Variants in C3orf70 observed in about 807,000 individuals in gnomAD.
The protein encoded by C3orf70 is UPF0524 protein C3orf70.
In C3orf70, 15 loss-of-function variants were observed where a neutral mutation model predicts 20.7. The observed-to-expected ratio is 0.72, with a 90% CI of 0.48 to 1.11. C3orf70 has a LOEUF of 1.11. Among genes scored for constraint, C3orf70 ranks in the 50% most tolerant of loss-of-function variants. C3orf70 has a pLI of 0.00. For missense variants in C3orf70, 332 were observed against 317.6 expected (o/e 1.05, Z -0.34); for synonymous variants, 161 against 125.7 (o/e 1.28, Z -1.88).
chr3:185,115,178 T>G (rs143212807), intron 1 of C3orf70, among the ~76,000 whole-genome samples: 2 of 152,282 alleles, frequency 1.3e-5, no homozygotes, highest in African/African-American at 4.8e-5. Context: ...CTCAAGTGAC[T>G]CCAATGTACA....
chr3:185,128,525 G>A (rs1315568312), intron 1 of C3orf70, among the ~76,000 whole-genome samples: 9 of 143,200 alleles, frequency 6.3e-5, no homozygotes, highest in South Asian at 4.7e-4. Context: ...AGACTGTTTC[G>A]GAAAAAAAAA....
intron 1 of C3orf70, among the ~76,000 whole-genome samples, chr3:185,101,335 G>T (rs571356591): frequency 6.6e-6 from 1 of 152,114 alleles, no homozygotes; most frequent in African/African-American, 2.4e-5. Context: ...TATCCACCAC[G>T]ATCAAGTAGG....
chr3:185,124,264 C>T (rs1373366165), intron 1 of C3orf70, among the ~76,000 whole-genome samples: 3 of 152,134 alleles, frequency 2.0e-5, no homozygotes, highest in African/African-American at 7.2e-5. Context: ...CAAGGAATGA[C>T]TGTACATGAA....
At chr3:185,147,701 A>G (rs1168408239) in intron 1 of C3orf70, among the ~76,000 whole-genome samples, 2 of 152,222 alleles carry the variant, frequency 1.3e-5, no homozygotes, top group Non-Finnish European at 2.9e-5. Context: ...ATTCTGGTAC[A>G]AAGTAATCAC....
chr3:185,150,340 T>G (rs535686355), intron 1 of C3orf70, among the ~76,000 whole-genome samples: 42 of 152,332 alleles, frequency 2.8e-4, no homozygotes, highest in African/African-American at 9.9e-4. Flanking sequence ...ACTGTTGGTA[T>G]CCAGTATGTG....
At chr3:185,096,055 C>T (rs1399398102) in intron 1 of C3orf70, among the ~76,000 whole-genome samples, 5 of 152,044 alleles carry the variant, frequency 3.3e-5, no homozygotes, top group African/African-American at 7.2e-5. Context: ...TTTTTAATAA[C>T]CATAATAAAC....
At chr3:185,130,532 G>A (rs1716504734) in intron 1 of C3orf70, among the ~76,000 whole-genome samples, 1 of 152,080 alleles carries the variant, frequency 6.6e-6, no homozygotes, top group Non-Finnish European at 1.5e-5. Flanking sequence ...TATTCACAAA[G>A]TTGTACAAAT....
At chr3:185,145,230 G>A (rs1177350422) in intron 1 of C3orf70, among the ~76,000 whole-genome samples, 1 of 152,222 alleles carries the variant, frequency 6.6e-6, no homozygotes, top group Admixed American at 6.5e-5. Flanking sequence ...CGGATGAAGT[G>A]AGGATTTTGT....
chr3:185,097,427 A>T (rs2108591224), intron 1 of C3orf70, among the ~76,000 whole-genome samples: 1 of 152,332 alleles, frequency 6.6e-6, no homozygotes, highest in South Asian at 2.1e-4. Flanking sequence ...AAGCCAAGAG[A>T]GCTTACTGAA....
At chr3:185,138,774 AC>A (rs1322362657) in intron 1 of C3orf70, among the ~76,000 whole-genome samples, 8 of 152,190 alleles carry the variant, frequency 5.3e-5, no homozygotes, top group Non-Finnish European at 8.8e-5. Flanking sequence ...AAGAACATCT[AC>A]AAAAAATCTA....
chr3:185,128,524 C>CGG (rs1561358699), intron 1 of C3orf70, among the ~76,000 whole-genome samples: 9 of 134,614 alleles, frequency 6.7e-5, no homozygotes, highest in African/African-American at 2.3e-4. Flanking sequence ...GAGACTGTTT[C>CGG]GGAAAAAAAA....
rs1246516398 is a variant in C3orf70, at chr3:185,083,302, TGTG to T, written c.455_457del (p.Pro152del). On this transcript the variant is annotated inframe_deletion, in exon 2 of 2. Coordinates refer to ENST00000335012, the MANE Select transcript of C3orf70 (RefSeq NM_001025266.3). ...CTCCTCAGGGCTCATTCTGTGGGAA[TGTG>T]GTGCCGGCTGCTTCTGCACATAACA... 1.9e-6 allele frequency: 3 copies of T among 1,614,094 alleles called. No individual in the cohort carries two copies. Among genetic ancestry groups the T allele is most frequent in the Non-Finnish European group, 2.5e-6 (3 of 1,180,044 alleles).
intron 1 of C3orf70, among the ~76,000 whole-genome samples, chr3:185,146,386 C>G (rs1716877261): frequency 7.1e-6 from 1 of 141,090 alleles, no homozygotes; most frequent in Non-Finnish European, 1.5e-5. Flanking sequence ...CTCCCGAGTT[C>G]AAGCGATTCT....
At chr3:185,122,576 G>A (rs1351450629) in intron 1 of C3orf70, among the ~76,000 whole-genome samples, 1 of 152,186 alleles carries the variant, frequency 6.6e-6, no homozygotes, top group African/African-American at 2.4e-5. Flanking sequence ...GATGCATATG[G>A]GTGCCAAGGT....
rs117779788 is a variant in C3orf70, at chr3:185,098,975, C to T, written c.197-15412G>A. ...TTGGACTTACCAGTCTCTATAATCA[C>T]GTGAGCCAATTCCTTACGATCAGCC... On this transcript the variant is annotated intron_variant, in intron 1 of 1. Coordinates refer to ENST00000335012, the MANE Select transcript of C3orf70 (RefSeq NM_001025266.3). Among the ~76,000 whole-genome samples the T allele has an allele frequency of 5.5e-4, 84 of 152,328 alleles. No individual in the cohort carries two copies. In the East Asian group the frequency reaches 0.013, roughly 24 times the overall value.
At chr3:185,104,915 T>G (rs781049710) in intron 1 of C3orf70, among the ~76,000 whole-genome samples, 5 of 152,174 alleles carry the variant, frequency 3.3e-5, no homozygotes, top group Non-Finnish European at 7.4e-5. Context: ...CGAACTCCTA[T>G]GGCATAAATT....
At chr3:185,133,168 AT>A (rs1716556328) in intron 1 of C3orf70, among the ~76,000 whole-genome samples, 1 of 152,212 alleles carries the variant, frequency 6.6e-6, no homozygotes, top group Non-Finnish European at 1.5e-5. Flanking sequence ...AAGCTTGACA[AT>A]ACACTCTGTT....
At chr3:185,088,793 T>C (rs1715509108) in intron 1 of C3orf70, among the ~76,000 whole-genome samples, 1 of 152,266 alleles carries the variant, frequency 6.6e-6, no homozygotes, top group Non-Finnish European at 1.5e-5. Flanking sequence ...GTGGCTCTTG[T>C]CTGCAACAAA....
chr3:185,134,234 A>G (rs1185718791), intron 1 of C3orf70, among the ~76,000 whole-genome samples: 3 of 152,186 alleles, frequency 2.0e-5, no homozygotes, highest in Non-Finnish European at 4.4e-5. Flanking sequence ...AGTAACACCA[A>G]ATAGTTTGAC....
Sources: gnomAD v4.1 joint callset for allele counts (sites outside exome capture counted in the v4.1 genomes callset) on GRCh38, gnomAD v4.1.1 for gene constraint, MANE v1.5 for transcripts, NCBI Gene and HGNC (gene_info 2026-07-23, HGNC 2026-07-21) for gene names.